The following RSRC1 variants were observed in gnomAD, a reference collection of about 807,000 sequenced individuals.
RSRC1 encodes serine/Arginine-related protein 53.
Under a neutral mutation model 49.1 loss-of-function variants are expected in RSRC1, and 39 were observed. That is an observed-to-expected ratio of 0.79 (90% CI 0.61 to 1.04). The LOEUF (loss-of-function observed/expected upper bound fraction) is 1.04. RSRC1 is among the 50% of genes least tolerant of loss of function. The probability of loss-of-function intolerance (pLI) is 0.00; values close to 1 mark genes in which losing one functional copy is unlikely to be tolerated. For synonymous variants in RSRC1, 143 were observed against 130.8 expected, an observed-to-expected ratio of 1.09 and a Z score of -0.63; for missense variants, 388 against 402.4, an observed-to-expected ratio of 0.96 and a Z score of 0.31.
intron 4 of RSRC1, among the ~76,000 whole-genome samples, chr3:158,217,145 A>G (rs766665591): frequency 1.4e-4 from 21 of 151,660 alleles, no homozygotes; most frequent in Non-Finnish European, 2.7e-4. Context: ...TCAAAGTTGT[A>G]TGTACCTTCA....
chr3:158,266,339 T>G (rs1448664550), intron 4 of RSRC1, among the ~76,000 whole-genome samples: 1 of 149,936 alleles, frequency 6.7e-6, no homozygotes, highest in Non-Finnish European at 1.5e-5. Flanking sequence ...TAAAGACATT[T>G]AAGGCTATAA....
chr3:158,414,490 C>G (rs1734636602), intron 6 of RSRC1, among the ~76,000 whole-genome samples: 1 of 152,072 alleles, frequency 6.6e-6, no homozygotes, highest in South Asian at 2.1e-4. Context: ...AGCAAACCCA[C>G]TGTGGCACAT....
intron 7 of RSRC1, among the ~76,000 whole-genome samples, chr3:158,530,932 A>T (rs933519324): frequency 7.0e-5 from 6 of 86,250 alleles, no homozygotes; most frequent in African/African-American, 3.8e-4. Context: ...AAAGAAACTT[A>T]AAAAAAAAAA....
chr3:158,179,593 C>T (rs1200198362), intron 3 of RSRC1, among the ~76,000 whole-genome samples: 2 of 152,194 alleles, frequency 1.3e-5, no homozygotes, highest in Admixed American at 6.5e-5. Flanking sequence ...CTTCTTATTG[C>T]TAAGTAGTAT....
chr3:158,267,858 CTAT>C (rs1725280698), intron 4 of RSRC1, among the ~76,000 whole-genome samples: 1 of 91,258 alleles, frequency 1.1e-5, no homozygotes, highest in African/African-American at 4.0e-5. Flanking sequence ...GTTTCCATAT[CTAT>C]TTTTTTTTTT....
intron 6 of RSRC1, among the ~76,000 whole-genome samples, chr3:158,356,308 A>G (rs1731155217): frequency 6.6e-6 from 1 of 152,122 alleles, no homozygotes; most frequent in African/African-American, 2.4e-5. Flanking sequence ...ATTGATCAAG[A>G]AAATACATAT....
At chr3:158,378,155 T>C (rs1453106248) in intron 6 of RSRC1, among the ~76,000 whole-genome samples, 1 of 152,224 alleles carries the variant, frequency 6.6e-6, no homozygotes, top group African/African-American at 2.4e-5. Context: ...TCTAAAATTA[T>C]TGTTTTGTTT....
intron 5 of RSRC1, among the ~76,000 whole-genome samples, chr3:158,320,545 C>A (rs1344165698): frequency 6.6e-6 from 1 of 152,056 alleles, no homozygotes; most frequent in African/African-American, 2.4e-5. Context: ...GCTAGTGATA[C>A]CGAGAGATTA....
intron 5 of RSRC1, among the ~76,000 whole-genome samples, chr3:158,308,990 T>G (rs1236995330): frequency 6.6e-6 from 1 of 151,924 alleles, no homozygotes; most frequent in East Asian, 1.9e-4. Flanking sequence ...TTGTCAGAGC[T>G]GTACATATGT....
intron 3 of RSRC1, among the ~76,000 whole-genome samples, chr3:158,146,829 G>A (rs7629021): frequency 6.6e-6 from 1 of 151,858 alleles, no homozygotes; most frequent in South Asian, 2.1e-4. Context: ...TCTATTCAGA[G>A]ATTTAGCTTC....
rs1559931927 is a variant in RSRC1, at chr3:158,180,450, T to TGTGTGTGTGTG, written c.321-22622_321-22621insGTGTGTGTGTG. Among the ~76,000 whole-genome samples, 198 of 51,504 alleles carry TGTGTGTGTGTG rather than the reference T, an allele frequency of 3.8e-3. 3 individuals carry two copies. Among genetic ancestry groups the TGTGTGTGTGTG allele is most frequent in the African/African-American group, 0.015 (191 of 12,990 alleles). 33.8% of individuals were successfully genotyped at this position (51,504 alleles called of 152,430 possible). A position where few individuals can be genotyped will look rare whatever the true frequency, so the allele number is the denominator to read the frequency against. On this transcript the variant is annotated intron_variant, in intron 3 of 9. Transcript: ENST00000611884. ...TGTGTGTGTGTGTGTGTGTGTGTGT[T>TGTGTGTGTGTG]TATGTGTCTGTGTGTGTGTAATTTT...
intron 7 of RSRC1, among the ~76,000 whole-genome samples, chr3:158,487,161 A>G (rs1738845681): frequency 6.6e-6 from 1 of 152,246 alleles, no homozygotes; most frequent in Non-Finnish European, 1.5e-5. Flanking sequence ...CTTGGAAACA[A>G]CTGCTTTAAG....
chr3:158,148,357 G>A (rs978772328), intron 3 of RSRC1, among the ~76,000 whole-genome samples: 1 of 96,366 alleles, frequency 1.0e-5, no homozygotes, highest in African/African-American at 4.8e-5. Context: ...AAAGGTGTGT[G>A]TGTGTGTGCG....
At chr3:158,488,952 T>C (rs978275900) in intron 7 of RSRC1, among the ~76,000 whole-genome samples, 1 of 152,250 alleles carries the variant, frequency 6.6e-6, no homozygotes. Flanking sequence ...GGTTTATTAC[T>C]GCCTAAGGTC....
At chr3:158,409,622 C>CT (rs1177027703) in intron 6 of RSRC1, among the ~76,000 whole-genome samples, 1 of 152,102 alleles carries the variant, frequency 6.6e-6, no homozygotes, top group Non-Finnish European at 1.5e-5. Flanking sequence ...GTCCCCCATC[C>CT]TAGAAGACTG....
At chr3:158,541,818 T>G (rs906499445) in intron 8 of RSRC1, among the ~76,000 whole-genome samples, 14 of 152,182 alleles carry the variant, frequency 9.2e-5, no homozygotes, top group Admixed American at 9.2e-4. Context: ...ACCTTACTGC[T>G]AATCAGTCAC....
intron 3 of RSRC1, among the ~76,000 whole-genome samples, chr3:158,125,606 T>C (rs761152004): frequency 1.3e-5 from 2 of 152,216 alleles, no homozygotes; most frequent in Non-Finnish European, 2.9e-5. Context: ...TTCGGTCTTA[T>C]TAAATTTGTT....
In RSRC1 at chr3:158,354,933, T is replaced by G. The variant is rs760910684; in HGVS notation, c.583+25T>G. ...GGTAAGTGTTGATAATTAACTTTTA[T>G]TAAATGAAGAAGTGACGAGTAAACC... On this transcript the variant is annotated intron_variant, in intron 6 of 9. Coordinates refer to ENST00000611884, the MANE Select transcript of RSRC1 (RefSeq NM_001271838.2). 1.0e-5 allele frequency: 15 copies of G among 1,504,424 alleles called. No homozygotes were observed. In the South Asian group the frequency reaches 1.8e-4, roughly 18 times the overall value. The allele number at this position is 1,504,424 out of a possible 1,614,324, so 93.2% of individuals were successfully genotyped here.
At chr3:158,293,137 G>A (rs912039327) in intron 4 of RSRC1, among the ~76,000 whole-genome samples, 1 of 152,084 alleles carries the variant, frequency 6.6e-6, no homozygotes, top group African/African-American at 2.4e-5. Flanking sequence ...AATGTGATAT[G>A]TGTTAAGCTT....
Sources: allele counts gnomAD v4.1 joint callset (sites outside exome capture counted in the v4.1 genomes callset), GRCh38; gene constraint gnomAD v4.1.1; transcripts MANE v1.5; gene names NCBI Gene and HGNC (gene_info 2026-07-23, HGNC 2026-07-21).